SPECC1: variants seen among roughly 807,000 people sequenced by gnomAD.
SPECC1 encodes cytospin-B.
A neutral mutation model predicts 104.1 loss-of-function variants in SPECC1; 62 were observed. The ratio of observed to expected loss-of-function variants is 0.60; its 90% CI spans 0.49 to 0.74. SPECC1 has a LOEUF of 0.74. Among genes scored for constraint, SPECC1 ranks in the 30% least tolerant of loss-of-function variants. The pLI, the probability that SPECC1 is intolerant of heterozygous loss-of-function variation, is 0.00. For synonymous variants in SPECC1, 513 were observed against 501.6 expected, an observed-to-expected ratio of 1.02 and a Z score of -0.30; for missense variants, 1,306 against 1,310.5, an observed-to-expected ratio of 1.00 and a Z score of 0.05.
intron 3 of SPECC1, among the ~76,000 whole-genome samples, chr17:20,137,201 A>T (rs1183986492): frequency 6.6e-6 from 1 of 152,154 alleles, no homozygotes; most frequent in Non-Finnish European, 1.5e-5. Flanking sequence ...CACATCAAGA[A>T]CGCCTGCACG....
At chr17:20,157,467 C>A (rs1331920629) in intron 3 of SPECC1, among the ~76,000 whole-genome samples, 2 of 152,100 alleles carry the variant, frequency 1.3e-5, no homozygotes, top group African/African-American at 4.8e-5. Flanking sequence ...ATGAAATATG[C>A]ATAAAATAAA....
chr17:20,092,739 T>G (rs1440692461), intron 1 of SPECC1, among the ~76,000 whole-genome samples: 5 of 152,232 alleles, frequency 3.3e-5, no homozygotes, highest in Admixed American at 3.3e-4. Context: ...TGGCACCTGA[T>G]GGACTTGTTC....
At chr17:20,237,968 C>T (rs1406093729) in intron 7 of SPECC1, 8 of 923,008 alleles carry the variant, frequency 8.7e-6, no homozygotes, top group Non-Finnish European at 7.9e-6. Context: ...TCTCGAACTC[C>T]TGACCTCAAG....
At chr17:20,141,900 A>G (rs1378175674) in intron 3 of SPECC1, among the ~76,000 whole-genome samples, 2 of 152,136 alleles carry the variant, frequency 1.3e-5, no homozygotes, top group South Asian at 2.1e-4. Context: ...CATTCTCCCC[A>G]TGTTCAAGTT....
At chr17:20,198,313 T>G (rs2526486) in intron 3 of SPECC1, among the ~76,000 whole-genome samples, 66,092 of 151,828 alleles carry the variant, frequency 0.44, 14,953 homozygotes, top group East Asian at 0.8. Flanking sequence ...AAAGGAAAAG[T>G]AGAGAGAGAA....
At chr17:20,163,024 A>G (rs1008474089) in intron 3 of SPECC1, among the ~76,000 whole-genome samples, 38 of 152,230 alleles carry the variant, frequency 2.5e-4, no homozygotes, top group African/African-American at 9.2e-4. Context: ...GCAAAACTCC[A>G]TCTCAAAAAC....
At chr17:20,043,442 G>A (rs1597606292) in intron 1 of SPECC1, among the ~76,000 whole-genome samples, 1 of 152,094 alleles carries the variant, frequency 6.6e-6, no homozygotes, top group Admixed American at 6.5e-5. Context: ...TTTATTAGCT[G>A]GTATTCTTCC....
At chr17:20,159,717 GAT>G in intron 3 of SPECC1, among the ~76,000 whole-genome samples, 1 of 152,206 alleles carries the variant, frequency 6.6e-6, no homozygotes, top group South Asian at 2.1e-4. Context: ...TCCAGTAAAA[GAT>G]ATGAAAATTT....
At position 20,067,539 on chromosome 17, in the gene SPECC1, C is replaced by T. The variant is rs1270717573; in HGVS notation, c.-21-29092C>T. On this transcript the variant is annotated intron_variant, in intron 1 of 14. Transcript: ENST00000395527. ...GCATACACTTTACAATTTGTATTTT[C>T]CACCAAAATATATTGTCGTCATTGT... Among the ~76,000 whole-genome samples the T allele has an allele frequency of 2.6e-5, 4 of 152,134 alleles. No homozygotes were observed. The South Asian group carries it at 8.3e-4, about 32-fold the overall frequency.
chr17:20,019,952 G>A (rs2044307664), intron 1 of SPECC1, among the ~76,000 whole-genome samples: 2 of 152,142 alleles, frequency 1.3e-5, no homozygotes, highest in Non-Finnish European at 2.9e-5. Flanking sequence ...GGAATTCCTT[G>A]AGGAATGAAC....
rs1053223373 is a variant in SPECC1 at position 20,318,950 on chromosome 17, A to G, written c.*4885A>G. 5.4e-6 allele frequency: 1 copy of G among 184,746 alleles called. No individual in the cohort carries two copies. The highest frequency in any genetic ancestry group is 1.1e-5 in the Non-Finnish European group (1 of 87,658). 11.4% of individuals were successfully genotyped at this position (184,746 alleles called of 1,614,324 possible). A position where few individuals can be genotyped will look rare whatever the true frequency, so the allele number is the denominator to read the frequency against. On this transcript the variant is annotated 3_prime_UTR_variant, in exon 15 of 15. Coordinates refer to ENST00000395527, the MANE Select transcript of SPECC1 (RefSeq NM_001243439.2). ...CTTTTGGATATGACATGCTAATTAGATGTATTTAACTATTCATAGGAAAGT... is the reference window on the plus strand; with the variant it reads ...CTTTTGGATATGACATGCTAATTAGGTGTATTTAACTATTCATAGGAAAGT...
intron 12 of SPECC1, among the ~76,000 whole-genome samples, chr17:20,281,672 C>G (rs977101032): frequency 6.6e-6 from 1 of 152,190 alleles, no homozygotes; most frequent in Non-Finnish European, 1.5e-5. Context: ...GGCTGCTAGT[C>G]CACTGAGCCT....
intron 1 of SPECC1, among the ~76,000 whole-genome samples, chr17:20,051,068 TTTTCTTTCTTTCTTTCTTTC>T (rs71157856): frequency 0.017 from 1,508 of 90,320 alleles, 28 homozygotes; most frequent in East Asian, 0.058. Context: ...CTTTCTTTCT[TTTTCTTTCTTTCTTTCTTTC>T]TTTCTTTCTT....
At chr17:20,136,927 T>C (rs1002995847) in intron 3 of SPECC1, among the ~76,000 whole-genome samples, 2 of 152,226 alleles carry the variant, frequency 1.3e-5, no homozygotes, top group Admixed American at 6.5e-5. Context: ...GATGGTTTCC[T>C]TGGACTTTAG....
At chr17:20,040,088 A>C (rs1195007580) in intron 1 of SPECC1, among the ~76,000 whole-genome samples, 1 of 151,910 alleles carries the variant, frequency 6.6e-6, no homozygotes, top group Admixed American at 6.6e-5. Context: ...CAATTTATCT[A>C]AATTGTTTTT....
At chr17:20,112,953 T>TG (rs1488930149) in intron 3 of SPECC1, 1 of 1,314,546 alleles carries the variant, frequency 7.6e-7, no homozygotes, top group African/African-American at 1.4e-5. Context: ...TTTGAAGAGA[T>TG]GCTAACACCA....
intron 3 of SPECC1, among the ~76,000 whole-genome samples, chr17:20,156,787 G>T (rs2032603192): frequency 6.6e-6 from 1 of 152,184 alleles, no homozygotes; most frequent in African/African-American, 2.4e-5. Context: ...CGTGGAGTCA[G>T]TTGGGCCGTA....
intron 1 of SPECC1, among the ~76,000 whole-genome samples, chr17:20,053,135 T>C (rs2152463070): frequency 6.6e-6 from 1 of 152,350 alleles, no homozygotes; most frequent in Admixed American, 6.5e-5. Context: ...CATGCTTATA[T>C]GGTTCCTTTC....
intron 3 of SPECC1, among the ~76,000 whole-genome samples, chr17:20,170,853 C>G (rs1196934098): frequency 6.6e-6 from 1 of 152,102 alleles, no homozygotes. Context: ...GAAACTATAT[C>G]TAGTAAAGAA....
Sources: gnomAD v4.1 joint callset for allele counts (sites outside exome capture counted in the v4.1 genomes callset) on GRCh38, gnomAD v4.1.1 for gene constraint, MANE v1.5 for transcripts, NCBI Gene and HGNC (gene_info 2026-07-23, HGNC 2026-07-21) for gene names.